The following STXBP5 variants were observed in gnomAD, a reference collection of about 807,000 sequenced individuals.
STXBP5 encodes the protein syntaxin-binding protein 5.
STXBP5 carries 50 observed loss-of-function variants against 152.4 expected under a neutral mutation model. The observed-to-expected ratio is 0.33, with a 90% CI of 0.26 to 0.42. STXBP5 has a LOEUF of 0.42. STXBP5 is among the 10% of genes least tolerant of loss of function. The pLI is 1.00. For missense variants in STXBP5, 1,167 were observed against 1,388.6 expected (o/e 0.84, Z 2.54); for synonymous variants, 492 against 494.7 (o/e 0.99, Z 0.07).
At chr6:147,316,160 T>G in intron 15 of STXBP5, 69 bp from the exon 16 acceptor site, 1 of 1,423,304 alleles carries the variant, frequency 7.0e-7, no homozygotes, top group Non-Finnish European at 9.8e-7. Context: ...TGTGTGTATG[T>G]GTGTATAAAT....
intron 9 of STXBP5, among the ~76,000 whole-genome samples, chr6:147,298,578 T>G (rs1781648272): frequency 6.6e-6 from 1 of 152,090 alleles, no homozygotes. Context: ...GATCATATGT[T>G]AGGTCAAGAG....
rs756030197 is a variant in STXBP5, at chr6:147,233,460, TG to T, written c.249-1789del. On this transcript the variant is annotated intron_variant, in intron 2 of 27. Transcript: ENST00000321680. The stretch of plus-strand genomic sequence containing the variant: ...ATCAAAAGATTAGCAATATTATGTA[TG>T]TTTTGTGATAATATTACAGTAAGTA... 2.3e-4 allele frequency among the ~76,000 whole-genome samples: 35 copies of T among 151,906 alleles called. 3 individuals are homozygous for T. The East Asian group carries it at 6.8e-3, about 29-fold the overall frequency.
rs115379643 is a variant in STXBP5 at position 147,285,051 on chromosome 6, A to G, written c.839-6043A>G. Among the ~76,000 whole-genome samples the G allele has an allele frequency of 3.8e-3, 575 of 152,250 alleles. 5 individuals are homozygous for G. The highest frequency in any genetic ancestry group is 0.013 in the African/African-American group (546 of 41,562). On this transcript the variant is annotated intron_variant, in intron 8 of 27. Transcript: ENST00000321680. ...GAATGAAATTCTGGAATTAGAATCAATAGGACTTAAACCAATTATTTGAGG... is the reference window on the plus strand; with the variant it reads ...GAATGAAATTCTGGAATTAGAATCAGTAGGACTTAAACCAATTATTTGAGG...
Position 147,327,294 on chromosome 6 carries a change from G to T in STXBP5, c.2080+18G>T, listed in dbSNP as rs1251406366. On this transcript the variant is annotated intron_variant, in intron 18 of 27. Transcript: ENST00000321680. ...TTCAGGAGGTAAAAAGAAAAGAAAA[G>T]AAAATTCTGAGCTTTAGGATTTCTA... 3.8e-6 allele frequency: 6 copies of T among 1,595,036 alleles called. No homozygotes were observed. The highest frequency in any genetic ancestry group is 1.4e-5 in the African/African-American group (1 of 73,594).
intron 7 of STXBP5, among the ~76,000 whole-genome samples, chr6:147,274,872 A>G (rs1780362733): frequency 6.6e-6 from 1 of 152,084 alleles, no homozygotes; most frequent in Non-Finnish European, 1.5e-5. Flanking sequence ...AATTAAGAAT[A>G]TTAATTAGTA....
chr6:147,214,159 T>C (rs1777040512), intron 2 of STXBP5, among the ~76,000 whole-genome samples: 2 of 152,202 alleles, frequency 1.3e-5, no homozygotes, highest in Non-Finnish European at 2.9e-5. Flanking sequence ...TTTTGCACTT[T>C]AATTTGAACG....
rs545896132 is a variant in STXBP5 at position 147,328,373 on chromosome 6, G to A, written c.2080+1097G>A. Among the ~76,000 whole-genome samples, 7 of 152,282 alleles carry A rather than the reference G, an allele frequency of 4.6e-5. No homozygotes were observed. The East Asian group carries it at 7.7e-4, about 17-fold the overall frequency. On this transcript the variant is annotated intron_variant, in intron 18 of 27. Coordinates refer to ENST00000321680, the MANE Select transcript of STXBP5 (RefSeq NM_001127715.4). ...GAATACCAGTGTGTATTGAAACACC[G>A]TTTGGGAAGCTCTGGTCTGTACTTC...
intron 9 of STXBP5, among the ~76,000 whole-genome samples, chr6:147,304,755 C>T (rs895849630): frequency 1.3e-5 from 2 of 152,060 alleles, no homozygotes; most frequent in Non-Finnish European, 2.9e-5. Context: ...GTGACCTGGA[C>T]GTGAGACAAG....
chr6:147,380,992 G>A (rs888255497), intron 26 of STXBP5, among the ~76,000 whole-genome samples: 1 of 152,122 alleles, frequency 6.6e-6, no homozygotes, highest in African/African-American at 2.4e-5. Flanking sequence ...GACCAAGGAG[G>A]AGCAAAAGCA....
At chr6:147,355,832 G>C (rs775966845) in intron 22 of STXBP5, among the ~76,000 whole-genome samples, 2 of 152,030 alleles carry the variant, frequency 1.3e-5, no homozygotes, top group Non-Finnish European at 2.9e-5. Flanking sequence ...TATTACTAGA[G>C]CTACTAAAAT....
chr6:147,333,738 A>G (rs768958471), intron 18 of STXBP5, among the ~76,000 whole-genome samples: 2 of 152,188 alleles, frequency 1.3e-5, no homozygotes, highest in Non-Finnish European at 2.9e-5. Flanking sequence ...TACTGGTGAT[A>G]CATACACATC....
chr6:147,240,411 A>G (rs1484734179), intron 4 of STXBP5, among the ~76,000 whole-genome samples: 5 of 152,162 alleles, frequency 3.3e-5, no homozygotes, highest in Non-Finnish European at 7.3e-5. Context: ...TGTATATAAT[A>G]TTTATGTAGT....
At chr6:147,257,686 G>A (rs918669384) in intron 4 of STXBP5, among the ~76,000 whole-genome samples, 2 of 152,114 alleles carry the variant, frequency 1.3e-5, no homozygotes, top group Non-Finnish European at 2.9e-5. Flanking sequence ...GAAAAGTTTT[G>A]TTGGGGTCTT....
rs142756050 is a variant in STXBP5 at position 147,302,390 on chromosome 6, C to T, written c.918-7694C>T. Among the ~76,000 whole-genome samples, 11 of 152,122 alleles carry T rather than the reference C, an allele frequency of 7.2e-5. No homozygotes were observed. In the East Asian group the frequency reaches 1.2e-3, roughly 16 times the overall value. On this transcript the variant is annotated intron_variant, in intron 9 of 27. Coordinates refer to ENST00000321680, the MANE Select transcript of STXBP5 (RefSeq NM_001127715.4). ...GCTAAGATAGTTTGGTTTGATAGTT[C>T]GGGGCTACAGAACAATTGATGAGAA...
At chr6:147,373,458 A>G (rs1353149028) in intron 25 of STXBP5, among the ~76,000 whole-genome samples, 2 of 151,638 alleles carry the variant, frequency 1.3e-5, no homozygotes, top group Non-Finnish European at 2.9e-5. Context: ...TGTCTGAAAG[A>G]TTAGAATCTC....
chr6:147,300,803 T>C (rs1300052911), intron 9 of STXBP5, among the ~76,000 whole-genome samples: 1 of 151,798 alleles, frequency 6.6e-6, no homozygotes, highest in African/African-American at 2.4e-5. Context: ...AATAGAAAAA[T>C]GGAATTACAT....
chr6:147,286,853 C>G (rs544053466), intron 8 of STXBP5, among the ~76,000 whole-genome samples: 1 of 151,828 alleles, frequency 6.6e-6, no homozygotes, highest in African/African-American at 2.4e-5. Flanking sequence ...CTTGTCCCAC[C>G]AGGTAAGCTA....
rs556999158 is a variant in STXBP5, at chr6:147,207,590, G to T, written c.248+1522G>T. Among the ~76,000 whole-genome samples the T allele has an allele frequency of 6.3e-4, 96 of 152,146 alleles. 1 individual carries two copies. Among genetic ancestry groups the T allele is most frequent in the Admixed American group, 1.4e-3 (21 of 15,280 alleles). Reference sequence around the variant, plus strand: ...GAATGAAGTTATTTTGTCAGTGTGGGCCCTGAGTGTTCAGCAAAACTCTGT... The same window carrying T: ...GAATGAAGTTATTTTGTCAGTGTGGTCCCTGAGTGTTCAGCAAAACTCTGT... On this transcript the variant is annotated intron_variant, in intron 2 of 27. Transcript: ENST00000321680.
chr6:147,327,804 T>A (rs1487903994), intron 18 of STXBP5, among the ~76,000 whole-genome samples: 1 of 152,160 alleles, frequency 6.6e-6, no homozygotes, highest in Non-Finnish European at 1.5e-5. Context: ...GGGATCAAAC[T>A]TTTCAGCTAA....
Sources: allele counts gnomAD v4.1 joint callset (sites outside exome capture counted in the v4.1 genomes callset), GRCh38; gene constraint gnomAD v4.1.1; transcripts MANE v1.5; gene names NCBI Gene and HGNC (gene_info 2026-07-23, HGNC 2026-07-21).